Variants in SIPA1L2 observed in about 807,000 individuals in gnomAD.
SIPA1L2 encodes signal induced proliferation associated 1 like 2.
SIPA1L2 carries 56 observed loss-of-function variants against 163.9 expected under a neutral mutation model. The observed-to-expected ratio is 0.34, with a 90% CI of 0.28 to 0.43. The LOEUF is 0.43. Ranked by LOEUF, SIPA1L2 falls within the 20% of genes least tolerant of loss-of-function variation. The pLI is 1.00. For missense variants in SIPA1L2, 1,974 were observed against 2,193.5 expected (o/e 0.90, Z 2.00); for synonymous variants, 877 against 865.7 (o/e 1.01, Z -0.23).
At chr1:232,541,425 T>C (rs1657671920) in intron 2 of SIPA1L2, among the ~76,000 whole-genome samples, 1 of 152,110 alleles carries the variant, frequency 6.6e-6, no homozygotes, top group Admixed American at 6.5e-5. Flanking sequence ...ACATAAAACC[T>C]TTAACAGTAG....
intron 18 of SIPA1L2, among the ~76,000 whole-genome samples, chr1:232,416,139 A>G (rs1328352663): frequency 6.6e-6 from 1 of 151,492 alleles, no homozygotes; most frequent in Non-Finnish European, 1.5e-5. Flanking sequence ...TGTCCCTCCC[A>G]GAGTCAGTCA....
chr1:232,403,622 G>A, intron 20 of SIPA1L2, 51 bp from the exon 21 acceptor site: 5 of 1,547,160 alleles, frequency 3.2e-6, no homozygotes, highest in Non-Finnish European at 4.4e-6. Flanking sequence ...ATCAATGCAA[G>A]GCAATGTTTC....
chr1:232,401,277 TC>T (rs1660322169), intron 22 of SIPA1L2, among the ~76,000 whole-genome samples: 1 of 152,102 alleles, frequency 6.6e-6, no homozygotes, highest in Non-Finnish European at 1.5e-5. Context: ...CTAGAAAACT[TC>T]TCCATCCCGG....
intron 1 of SIPA1L2, among the ~76,000 whole-genome samples, chr1:232,577,676 G>T (rs1467935776): frequency 6.6e-6 from 1 of 152,060 alleles, no homozygotes; most frequent in Non-Finnish European, 1.5e-5. Flanking sequence ...ATGACTTTGG[G>T]GTGGGGGCTT....
chr1:232,507,908 T>C (rs945778606), intron 3 of SIPA1L2, among the ~76,000 whole-genome samples: 5 of 152,178 alleles, frequency 3.3e-5, no homozygotes, highest in Non-Finnish European at 1.5e-5. Flanking sequence ...TTTACATAAA[T>C]TTATTTGCAT....
chr1:232,485,146 T>C (rs1665581967), intron 5 of SIPA1L2, among the ~76,000 whole-genome samples: 1 of 152,200 alleles, frequency 6.6e-6, no homozygotes, highest in Admixed American at 6.5e-5. Context: ...ACTACCCATA[T>C]ATTCTGAATG....
At chr1:232,571,040 G>A (rs954526523) in intron 2 of SIPA1L2, among the ~76,000 whole-genome samples, 1 of 150,702 alleles carries the variant, frequency 6.6e-6, no homozygotes, top group African/African-American at 2.4e-5. Context: ...ATTGCAAAAG[G>A]TATCTCCAGA....
intron 2 of SIPA1L2, among the ~76,000 whole-genome samples, chr1:232,530,219 A>G (rs2103081637): frequency 4.6e-5 from 1 of 21,852 alleles, no homozygotes; most frequent in East Asian, 2.6e-4. Flanking sequence ...GGTTCAAGCG[A>G]TTCCCCCGCC....
At chr1:232,411,591 C>CT (rs146919244) in intron 19 of SIPA1L2, among the ~76,000 whole-genome samples, 7,009 of 146,782 alleles carry the variant, frequency 0.048, 453 homozygotes, top group African/African-American at 0.15. Flanking sequence ...TTGCCAGTTG[C>CT]TTTTTTTTTT....
intron 1 of SIPA1L2, among the ~76,000 whole-genome samples, chr1:232,581,620 C>T (rs7548245): frequency 0.02 from 3,083 of 152,276 alleles, 105 homozygotes; most frequent in African/African-American, 0.07. Context: ...CTCACACAGA[C>T]ACATCTGTTC....
chr1:232,541,854 TAA>T (rs10585668), intron 2 of SIPA1L2, among the ~76,000 whole-genome samples: 38,853 of 135,224 alleles, frequency 0.29, 6,633 homozygotes, highest in African/African-American at 0.5. Context: ...CCTACAGATT[TAA>T]AAAAAAAAAA....
At chr1:232,608,577 T>C (rs932705738) in intron 1 of SIPA1L2, among the ~76,000 whole-genome samples, 5 of 152,228 alleles carry the variant, frequency 3.3e-5, no homozygotes, top group Admixed American at 1.3e-4. Context: ...GACATTAACA[T>C]GGTCCTCCTC....
intron 15 of SIPA1L2, among the ~76,000 whole-genome samples, chr1:232,436,585 G>A (rs1662575622): frequency 3.3e-5 from 5 of 152,194 alleles, no homozygotes; most frequent in Admixed American, 2.6e-4. Flanking sequence ...ACTGGGACAG[G>A]AGAGGAAAGC....
At position 232,505,740 on chromosome 1, in the gene SIPA1L2, G is replaced by A. The variant is rs74508675; in HGVS notation, c.1483+8117C>T. ...TGGGCAATTCCTCCCCATTAAGGGC[G>A]CCTGTGGGACTTGACGGGACCTCCG... On this transcript the variant is annotated intron_variant, in intron 3 of 22. Coordinates refer to ENST00000674635, the MANE Select transcript of SIPA1L2 (RefSeq NM_020808.5). Among the ~76,000 whole-genome samples the A allele has an allele frequency of 3.7e-3, 557 of 152,286 alleles. 22 individuals are homozygous for A. The East Asian group carries it at 0.076, about 21-fold the overall frequency.
In SIPA1L2 at chr1:232,455,996, G is replaced by T. The variant is rs79940224; in HGVS notation, c.3095+4891C>A. On this transcript the variant is annotated intron_variant, in intron 10 of 22. Transcript: ENST00000674635. ...GTGAGGATGGAAAAACTGCCTGCTG[G>T]GTAGTATGCTGATTGCCTGGGTGAC... Among the ~76,000 whole-genome samples, 1,330 of 152,142 alleles carry T rather than the reference G, an allele frequency of 8.7e-3. 24 individuals carry two copies. The highest frequency in any genetic ancestry group is 0.031 in the African/African-American group (1,284 of 41,492).
intron 1 of SIPA1L2, among the ~76,000 whole-genome samples, chr1:232,578,107 G>A (rs967612502): frequency 3.3e-5 from 5 of 152,126 alleles, no homozygotes; most frequent in African/African-American, 2.4e-5. Flanking sequence ...TTCTCCACCC[G>A]CAAAAAGACT....
At chr1:232,611,950 T>C (rs1440416659) in intron 1 of SIPA1L2, among the ~76,000 whole-genome samples, 1 of 152,118 alleles carries the variant, frequency 6.6e-6, no homozygotes, top group East Asian at 1.9e-4. Flanking sequence ...AGAAAATGGT[T>C]TCATGGGCCA....
intron 10 of SIPA1L2, among the ~76,000 whole-genome samples, chr1:232,451,103 G>A (rs976327062): frequency 1.8e-4 from 27 of 152,112 alleles, no homozygotes; most frequent in Admixed American, 6.5e-5. Flanking sequence ...ACTAGATTTT[G>A]CTTTGTTTAC....
chr1:232,557,549 C>A (rs2102735661), intron 2 of SIPA1L2, among the ~76,000 whole-genome samples: 1 of 152,332 alleles, frequency 6.6e-6, no homozygotes, highest in South Asian at 2.1e-4. Context: ...CTTGTTAACC[C>A]AAACTCCAGG....
Sources: gnomAD v4.1 joint callset for allele counts (sites outside exome capture counted in the v4.1 genomes callset) on GRCh38, gnomAD v4.1.1 for gene constraint, MANE v1.5 for transcripts, NCBI Gene and HGNC (gene_info 2026-07-23, HGNC 2026-07-21) for gene names.